Variants in KIAA0930 observed in about 807,000 individuals in gnomAD.
KIAA0930 encodes the protein KIAA0930.
A neutral mutation model predicts 43.9 loss-of-function variants in KIAA0930; 24 were observed. The observed-to-expected ratio is 0.55, with a 90% CI of 0.40 to 0.77. The LOEUF is 0.77. Among genes scored for constraint, KIAA0930 ranks in the 30% least tolerant of loss-of-function variants. KIAA0930 has a pLI of 0.00. For missense variants in KIAA0930, 461 were observed against 574.2 expected, an observed-to-expected ratio of 0.80 and a Z score of 2.02; for synonymous variants, 259 against 216.4, an observed-to-expected ratio of 1.20 and a Z score of -1.73.
chr22:45,233,556 C>T (rs9615073), intron 1 of KIAA0930, among the ~76,000 whole-genome samples: 5,200 of 152,260 alleles, frequency 0.034, 119 homozygotes, highest in African/African-American at 0.053. Context: ...AGTCAAAACA[C>T]GCTTCTACTT....
intron 1 of KIAA0930, among the ~76,000 whole-genome samples, chr22:45,238,030 CTT>C (rs965799884): frequency 3.3e-5 from 5 of 151,918 alleles, no homozygotes; most frequent in Non-Finnish European, 5.9e-5. Flanking sequence ...ACACCATTCT[CTT>C]GTCTCAGCCT....
chr22:45,229,664 A>T (rs2083839650), intron 1 of KIAA0930, among the ~76,000 whole-genome samples: 1 of 152,208 alleles, frequency 6.6e-6, no homozygotes, highest in East Asian at 1.9e-4. Context: ...GAGGAGGGTG[A>T]TTCCAGGCCA....
At chr22:45,233,338 G>T (rs1470869513) in intron 1 of KIAA0930, among the ~76,000 whole-genome samples, 3 of 152,100 alleles carry the variant, frequency 2.0e-5, no homozygotes, top group African/African-American at 7.2e-5. Context: ...TGAGGCAGGC[G>T]AGGTGTTCTA....
rs373270754 is a variant in KIAA0930, at chr22:45,205,616, G to C, written c.414+14C>G. ...GGCAGTTAGGAGGCTGGGGGCTCTCGTGCCAGGGCTCACCTGAGATTTCTT... is the reference window on the plus strand; with the variant it reads ...GGCAGTTAGGAGGCTGGGGGCTCTCCTGCCAGGGCTCACCTGAGATTTCTT... On this transcript the variant is annotated intron_variant, in intron 4 of 9. Transcript: ENST00000336156. 2 of 1,613,034 alleles carry C rather than the reference G, an allele frequency of 1.2e-6. No homozygotes were observed. The highest frequency in any genetic ancestry group is 1.7e-6 in the Non-Finnish European group (2 of 1,179,444).
intron 1 of KIAA0930, among the ~76,000 whole-genome samples, chr22:45,234,677 C>A (rs560906391): frequency 6.6e-6 from 1 of 152,242 alleles, no homozygotes; most frequent in Non-Finnish European, 1.5e-5. Context: ...AAAAGCTTTG[C>A]TGCAAGTTAT....
At chr22:45,232,093 G>C (rs2083857605) in intron 1 of KIAA0930, among the ~76,000 whole-genome samples, 1 of 152,198 alleles carries the variant, frequency 6.6e-6, no homozygotes, top group Admixed American at 6.5e-5. Context: ...GAAGGGAGAA[G>C]CCTAGTCCAA....
chr22:45,232,456 G>A (rs766031665), intron 1 of KIAA0930, among the ~76,000 whole-genome samples: 6 of 152,178 alleles, frequency 3.9e-5, no homozygotes, highest in South Asian at 2.1e-4. Flanking sequence ...CTTGCACCAC[G>A]GGGCAAGAGG....
chr22:45,196,861 G>A lies in KIAA0930; in HGVS notation c.*315C>T. 2 of 360,748 alleles carry A rather than the reference G, an allele frequency of 5.5e-6. No homozygotes were observed. The highest frequency in any genetic ancestry group is 1.2e-4 in the South Asian group (2 of 16,608). 22.3% of individuals were successfully genotyped at this position (360,748 alleles called of 1,614,324 possible). A position where few individuals can be genotyped will look rare whatever the true frequency, so the allele number is the denominator to read the frequency against. On this transcript the variant is annotated 3_prime_UTR_variant, in exon 10 of 10. Coordinates refer to ENST00000336156, the MANE Select transcript of KIAA0930 (RefSeq NM_001009880.2). The surrounding 1 kb of genome is among the most constrained non-coding windows in gnomAD (Gnocchi z 4.1). ...TCTGGCCCCGCTCTGGGCATCAGCT[G>A]CTCCTTCCGCTCTCTCTCATGGCCG... is the stretch of plus-strand genomic sequence containing the variant.
rs1339385096 is a variant in KIAA0930, at chr22:45,195,461, G to A, written c.*1715C>T. 6.6e-6 allele frequency: 1 copy of A among 152,308 alleles called. No homozygotes were observed. Among genetic ancestry groups the A allele is most frequent in the Non-Finnish European group, 1.5e-5 (1 of 68,138 alleles). 9.4% of individuals were successfully genotyped at this position (152,308 alleles called of 1,614,324 possible). ...GGCATCCCCGGAGAGCACTCAAATG[G>A]GGCTGGACCATGCTCGGGGCTCCCT... is the stretch of plus-strand genomic sequence containing the variant. On this transcript the variant is annotated 3_prime_UTR_variant, in exon 10 of 10. Coordinates refer to ENST00000336156, the MANE Select transcript of KIAA0930 (RefSeq NM_001009880.2).
intron 1 of KIAA0930, among the ~76,000 whole-genome samples, chr22:45,227,162 C>T (rs993099101): frequency 6.6e-6 from 1 of 152,226 alleles, no homozygotes; most frequent in Non-Finnish European, 1.5e-5. Flanking sequence ...TGTGCAGGCC[C>T]ACATGTACTA....
intron 1 of KIAA0930, among the ~76,000 whole-genome samples, chr22:45,235,685 C>T (rs751542628): frequency 6.6e-5 from 10 of 152,170 alleles, no homozygotes; most frequent in Non-Finnish European, 1.2e-4. Context: ...GGACTGCACC[C>T]GACTCCACAC....
At chr22:45,235,710 G>A (rs891441011) in intron 1 of KIAA0930, among the ~76,000 whole-genome samples, 1 of 152,336 alleles carries the variant, frequency 6.6e-6, no homozygotes, top group African/African-American at 2.4e-5. Flanking sequence ...GATTTGTGCT[G>A]AGCCTGTACC....
chr22:45,231,366 A>G (rs2083852446), intron 1 of KIAA0930, among the ~76,000 whole-genome samples: 1 of 152,218 alleles, frequency 6.6e-6, no homozygotes, highest in South Asian at 2.1e-4. Context: ...TAGGAACCTC[A>G]GCCATGAACC....
intron 7 of KIAA0930, among the ~76,000 whole-genome samples, chr22:45,201,378 G>A (rs983417366): frequency 1.3e-5 from 2 of 152,146 alleles, no homozygotes; most frequent in African/African-American, 4.8e-5. Context: ...TAAGGCACCA[G>A]GGACTTTCAC....
At chr22:45,205,770 G>GGGGGCGCCC in intron 3 of KIAA0930, 23 bp downstream of exon 3, 2 of 1,523,786 alleles carry the variant, frequency 1.3e-6, no homozygotes, top group Non-Finnish European at 1.8e-6. Flanking sequence ...CCAATCCGCA[G>GGGGGCGCCC]CCCCACCCAT....
At chr22:45,226,336 C>T (rs536202278) in intron 1 of KIAA0930, 11 of 471,092 alleles carry the variant, frequency 2.3e-5, no homozygotes, top group Admixed American at 1.2e-4. Flanking sequence ...GGTTGGGCTT[C>T]GTATCCAGTT....
At chr22:45,226,550 C>G (rs946344250) in intron 1 of KIAA0930, among the ~76,000 whole-genome samples, 4 of 152,106 alleles carry the variant, frequency 2.6e-5, no homozygotes, top group African/African-American at 2.4e-5. Context: ...CCGCCCCGAC[C>G]CCACAGCTGT....
At chr22:45,233,187 A>T (rs980320539) in intron 1 of KIAA0930, among the ~76,000 whole-genome samples, 1 of 152,068 alleles carries the variant, frequency 6.6e-6, no homozygotes, top group African/African-American at 2.4e-5. Flanking sequence ...AGAGGGAACG[A>T]ATGAATTACA....
intron 1 of KIAA0930, among the ~76,000 whole-genome samples, chr22:45,236,679 G>C (rs2083890491): frequency 1.3e-5 from 2 of 152,144 alleles, no homozygotes; most frequent in Admixed American, 6.5e-5. Context: ...CTTGGGCTCA[G>C]CAAGATTCGG....
Sources: allele counts gnomAD v4.1 joint callset (sites outside exome capture counted in the v4.1 genomes callset), GRCh38; gene constraint gnomAD v4.1.1; non-coding constraint Gnocchi (gnomAD v3.1); transcripts MANE v1.5; gene names NCBI Gene and HGNC (gene_info 2026-07-23, HGNC 2026-07-21).